The following EEIG2 variants were observed in gnomAD, a reference collection of about 807,000 sequenced individuals.
The protein encoded by EEIG2 is EEIG family member 2, also known as family with sequence similarity 102 member B.
chr1:108,616,643 TTCA>T, the EEIG2 span, among the ~76,000 whole-genome samples: 1 of 152,174 alleles, frequency 6.6e-6, no homozygotes, highest in Non-Finnish European at 1.5e-5. Context: ...CTATAGGTCT[TTCA>T]TCATCTTCGG....
chr1:108,604,247 T>A, the EEIG2 span, among the ~76,000 whole-genome samples: 1 of 152,192 alleles, frequency 6.6e-6, no homozygotes, highest in African/African-American at 2.4e-5. Flanking sequence ...AGTTTAGATC[T>A]AATTATAATT....
chr1:108,630,630 T>G, the EEIG2 span, among the ~76,000 whole-genome samples: 1 of 152,224 alleles, frequency 6.6e-6, no homozygotes, highest in African/African-American at 2.4e-5. Context: ...GTTATTCAGA[T>G]GCAGATGAAG....
At chr1:108,592,476 G>A in the EEIG2 span, among the ~76,000 whole-genome samples, 1 of 152,130 alleles carries the variant, frequency 6.6e-6, no homozygotes, top group African/African-American at 2.4e-5. Flanking sequence ...TCTTGTCTTG[G>A]CTTATTTGAC....
At chr1:108,597,708 C>T in the EEIG2 span, among the ~76,000 whole-genome samples, 122 of 152,268 alleles carry the variant, frequency 8.0e-4, no homozygotes, top group African/African-American at 2.8e-3. Context: ...CTCTTTGTCC[C>T]TGTGAGATAA....
At chr1:108,579,768 T>TGA in the EEIG2 span, among the ~76,000 whole-genome samples, 8 of 14,394 alleles carry the variant, frequency 5.6e-4, no homozygotes, top group African/African-American at 1.2e-3. Flanking sequence ...TGTGTGTGTG[T>TGA]GTGTGAGAGA....
At chr1:108,562,158 CT>C in the EEIG2 span, among the ~76,000 whole-genome samples, 1 of 152,198 alleles carries the variant, frequency 6.6e-6, no homozygotes, top group African/African-American at 2.4e-5. Flanking sequence ...GCATAACTAA[CT>C]TTCCTAAGGT....
chr1:108,567,930 T>C, the EEIG2 span, among the ~76,000 whole-genome samples: 3 of 151,940 alleles, frequency 2.0e-5, no homozygotes, highest in Non-Finnish European at 4.4e-5. Flanking sequence ...GCTTGGGAGA[T>C]TGAAGCTGCA....
the EEIG2 span, among the ~76,000 whole-genome samples, chr1:108,601,191 A>G: frequency 6.6e-6 from 1 of 151,934 alleles, no homozygotes; most frequent in Non-Finnish European, 1.5e-5. Flanking sequence ...TTTCTTTCCC[A>G]GTATTAGGTT....
the EEIG2 span, among the ~76,000 whole-genome samples, chr1:108,578,208 A>T: frequency 1.8e-5 from 2 of 109,592 alleles, no homozygotes; most frequent in Non-Finnish European, 3.7e-5. Flanking sequence ...GGCTGAGACG[A>T]TGGGGTTTTC....
chr1:108,595,997 TG>T, the EEIG2 span, among the ~76,000 whole-genome samples: 1 of 151,998 alleles, frequency 6.6e-6, no homozygotes, highest in East Asian at 1.9e-4. Flanking sequence ...TTGATGGGCT[TG>T]GGGAAAAAAC....
At chr1:108,596,485 C>T in the EEIG2 span, among the ~76,000 whole-genome samples, 9 of 151,960 alleles carry the variant, frequency 5.9e-5, no homozygotes, top group Non-Finnish European at 1.2e-4. Flanking sequence ...AGGTAGAGGG[C>T]AAGGGAGCTT....
At chr1:108,593,290 G>A in the EEIG2 span, among the ~76,000 whole-genome samples, 1 of 152,160 alleles carries the variant, frequency 6.6e-6, no homozygotes, top group African/African-American at 2.4e-5. Flanking sequence ...GGGTAACCTC[G>A]AGGTCCAAAA....
At chr1:108,636,594 A>G in the EEIG2 span, 1 of 152,344 alleles carries the variant, frequency 6.6e-6, no homozygotes, top group African/African-American at 2.4e-5. Flanking sequence ...CATTAATCCA[A>G]TACTATTCCA....
At chr1:108,562,847 A>AG in the EEIG2 span, among the ~76,000 whole-genome samples, 3 of 152,010 alleles carry the variant, frequency 2.0e-5, no homozygotes, top group African/African-American at 7.3e-5. Flanking sequence ...TCATTTTACA[A>AG]GAAAAAAAAA....
At chr1:108,631,280 C>T in the EEIG2 span, among the ~76,000 whole-genome samples, 1 of 152,210 alleles carries the variant, frequency 6.6e-6, no homozygotes, top group Non-Finnish European at 1.5e-5. Flanking sequence ...GGCCCACTAC[C>T]TGTATTTATA....
the EEIG2 span, among the ~76,000 whole-genome samples, chr1:108,594,760 A>AT: frequency 1.1e-4 from 16 of 152,034 alleles, no homozygotes; most frequent in African/African-American, 3.9e-4. Flanking sequence ...TGGGAAGTGT[A>AT]TTTTTTCCCG....
the EEIG2 span, among the ~76,000 whole-genome samples, chr1:108,604,881 A>AG: frequency 6.7e-6 from 1 of 149,270 alleles, no homozygotes; most frequent in East Asian, 2.0e-4. Flanking sequence ...AAAAAAAAAA[A>AG]GAGAAAAAAA....
the EEIG2 span, among the ~76,000 whole-genome samples, chr1:108,560,838 TTTCTC>T: frequency 6.6e-6 from 1 of 152,156 alleles, no homozygotes; most frequent in Non-Finnish European, 1.5e-5. Context: ...ATGCTTCTGT[TTTCTC>T]TTAAGACATT....
At chr1:108,628,800 G>A in the EEIG2 span, 211 of 1,611,326 alleles carry the variant, frequency 1.3e-4, no homozygotes, top group Admixed American at 1.8e-4. Flanking sequence ...ATTCCAGTGC[G>A]GAAGGTGTGT....
Sources: gnomAD v4.1 joint callset for allele counts (sites outside exome capture counted in the v4.1 genomes callset) on GRCh38, gnomAD v4.1.1 for gene constraint, MANE v1.5 for transcripts, NCBI Gene and HGNC (gene_info 2026-07-23, HGNC 2026-07-21) for gene names.